ITFG1: variants seen among roughly 807,000 people sequenced by gnomAD.
ITFG1 encodes T-cell immunomodulatory protein.
ITFG1 carries 34 observed loss-of-function variants against 81.8 expected under a neutral mutation model. That is an observed-to-expected ratio of 0.42 (90% CI 0.32 to 0.55). ITFG1 has a LOEUF of 0.55. Ranked by LOEUF, ITFG1 falls within the 20% of genes least tolerant of loss-of-function variation. ITFG1 has a pLI of 0.17. For missense variants in ITFG1, 672 were observed against 755.4 expected, an observed-to-expected ratio of 0.89 and a Z score of 1.29; for synonymous variants, 285 against 270.6, an observed-to-expected ratio of 1.05 and a Z score of -0.52.
At chr16:47,302,803 T>A (rs1048268719) in intron 10 of ITFG1, among the ~76,000 whole-genome samples, 1 of 152,202 alleles carries the variant, frequency 6.6e-6, no homozygotes, top group Non-Finnish European at 1.5e-5. Flanking sequence ...AATCTTTTTA[T>A]ATCAAGTCTA....
chr16:47,251,505 C>T (rs543180396), intron 12 of ITFG1, among the ~76,000 whole-genome samples: 1 of 151,422 alleles, frequency 6.6e-6, no homozygotes, highest in South Asian at 2.1e-4. Flanking sequence ...TCCTCATGCA[C>T]AAGAAGAAAA....
intron 10 of ITFG1, among the ~76,000 whole-genome samples, chr16:47,276,131 A>T (rs1966395774): frequency 6.6e-6 from 1 of 152,152 alleles, no homozygotes; most frequent in Non-Finnish European, 1.5e-5. Flanking sequence ...TTTTCAAATG[A>T]AATAATTATC....
chr16:47,255,111 G>A (rs1049859380), intron 12 of ITFG1, among the ~76,000 whole-genome samples: 1 of 152,096 alleles, frequency 6.6e-6, no homozygotes, highest in Non-Finnish European at 1.5e-5. Context: ...AAGTACACTG[G>A]CAAAATTCAA....
intron 6 of ITFG1, among the ~76,000 whole-genome samples, chr16:47,382,908 T>A (rs1037645058): frequency 1.3e-5 from 2 of 152,224 alleles, no homozygotes; most frequent in Admixed American, 6.5e-5. Context: ...TCATAACTTG[T>A]ATGTTGAATT....
chr16:47,165,953 T>C (rs901256000), intron 14 of ITFG1, among the ~76,000 whole-genome samples: 1 of 152,206 alleles, frequency 6.6e-6, no homozygotes, highest in African/African-American at 2.4e-5. Context: ...CTCTAACTGA[T>C]GGACCCTCCC....
At chr16:47,296,688 G>A (rs1966986976) in intron 10 of ITFG1, among the ~76,000 whole-genome samples, 1 of 152,118 alleles carries the variant, frequency 6.6e-6, no homozygotes, top group Non-Finnish European at 1.5e-5. Context: ...CACTGGCCTC[G>A]GTCTCCCAAA....
chr16:47,247,548 C>T (rs1480574346), intron 12 of ITFG1, among the ~76,000 whole-genome samples: 1 of 152,132 alleles, frequency 6.6e-6, no homozygotes, highest in East Asian at 1.9e-4. Context: ...TCATTTGGCA[C>T]AGAAAATCTC....
intron 6 of ITFG1, among the ~76,000 whole-genome samples, chr16:47,391,943 T>C (rs759275250): frequency 1.3e-5 from 2 of 152,146 alleles, no homozygotes; most frequent in Non-Finnish European, 2.9e-5. Context: ...ATATGCCAAG[T>C]ACTGTTCTAA....
intron 6 of ITFG1, among the ~76,000 whole-genome samples, chr16:47,379,030 G>C (rs779968278): frequency 6.6e-6 from 1 of 152,186 alleles, no homozygotes; most frequent in Admixed American, 6.5e-5. Flanking sequence ...ACAATCCTAA[G>C]TGGTTAGCCC....
chr16:47,460,728 G>A (rs890743070), intron 1 of ITFG1, 110 bp downstream of exon 1: 101 of 1,189,946 alleles, frequency 8.5e-5, no homozygotes, highest in Admixed American at 4.4e-4. Flanking sequence ...ACAGGGCTGG[G>A]AGAGAAGGAC....
chr16:47,427,064 A>AT (rs925504217), intron 6 of ITFG1, among the ~76,000 whole-genome samples: 3 of 152,282 alleles, frequency 2.0e-5, no homozygotes, highest in African/African-American at 7.2e-5. Context: ...AGAACTGAGG[A>AT]TGGGAGTTCT....
chr16:47,333,589 T>C (rs1462075142), intron 8 of ITFG1, among the ~76,000 whole-genome samples: 1 of 152,228 alleles, frequency 6.6e-6, no homozygotes, highest in Non-Finnish European at 1.5e-5. Flanking sequence ...ATAAGCACTG[T>C]ATTAACCATA....
chr16:47,433,806 T>C (rs1328619789), intron 5 of ITFG1, among the ~76,000 whole-genome samples: 9 of 110,836 alleles, frequency 8.1e-5, no homozygotes, highest in South Asian at 6.2e-4. Context: ...CACACACACA[T>C]ACACACACGT....
chr16:47,441,906 G>A (rs1210567877), intron 5 of ITFG1, among the ~76,000 whole-genome samples: 1 of 152,192 alleles, frequency 6.6e-6, no homozygotes, highest in Non-Finnish European at 1.5e-5. Context: ...GTTTGCAGAT[G>A]ACATGATTGT....
At chr16:47,240,788 G>A (rs1314008546) in intron 12 of ITFG1, among the ~76,000 whole-genome samples, 1 of 152,146 alleles carries the variant, frequency 6.6e-6, no homozygotes, top group African/African-American at 2.4e-5. Flanking sequence ...GGATAAATAA[G>A]CAGTCATTTA....
intron 8 of ITFG1, among the ~76,000 whole-genome samples, chr16:47,326,878 T>A (rs1214000893): frequency 2.0e-5 from 3 of 151,994 alleles, no homozygotes; most frequent in Non-Finnish European, 4.4e-5. Context: ...AGAATCAATA[T>A]CGTGAAAATG....
At chr16:47,211,964 T>C (rs895237077) in intron 14 of ITFG1, among the ~76,000 whole-genome samples, 2 of 152,032 alleles carry the variant, frequency 1.3e-5, no homozygotes, top group African/African-American at 4.8e-5. Flanking sequence ...TCTTACTGTG[T>C]ATCCCAGGCT....
At chr16:47,390,013 C>T (rs146110490) in intron 6 of ITFG1, among the ~76,000 whole-genome samples, 8 of 152,280 alleles carry the variant, frequency 5.3e-5, no homozygotes, top group Middle Eastern at 6.8e-3. Context: ...AAATGCCTAT[C>T]GAATGCAAAG....
intron 6 of ITFG1, among the ~76,000 whole-genome samples, chr16:47,381,526 T>C (rs1382093512): frequency 6.6e-6 from 1 of 152,182 alleles, no homozygotes; most frequent in Non-Finnish European, 1.5e-5. Flanking sequence ...CTGAAATGTC[T>C]GGAGACATTT....
Sources: gnomAD v4.1 joint callset for allele counts (sites outside exome capture counted in the v4.1 genomes callset) on GRCh38, gnomAD v4.1.1 for gene constraint, MANE v1.5 for transcripts, NCBI Gene and HGNC (gene_info 2026-07-23, HGNC 2026-07-21) for gene names.